The following CDC14A variants were observed in gnomAD, a reference collection of about 807,000 sequenced individuals.
CDC14A encodes the protein dual specificity protein phosphatase CDC14A.
A neutral mutation model predicts 74.4 loss-of-function variants in CDC14A; 53 were observed. That is an observed-to-expected ratio of 0.71 (90% CI 0.57 to 0.89). The LOEUF is 0.89. Among genes scored for constraint, CDC14A ranks in the 40% least tolerant of loss-of-function variants. The probability of loss-of-function intolerance (pLI) is 0.00; values close to 1 mark genes in which losing one functional copy is unlikely to be tolerated. For missense variants in CDC14A, 646 were observed against 713.7 expected, an observed-to-expected ratio of 0.91 and a Z score of 1.08; for synonymous variants, 247 against 258.4, an observed-to-expected ratio of 0.96 and a Z score of 0.43.
At chr1:100,415,713 CTG>C (rs1661450377) in intron 4 of CDC14A, among the ~76,000 whole-genome samples, 1 of 152,162 alleles carries the variant, frequency 6.6e-6, no homozygotes, top group Non-Finnish European at 1.5e-5. Context: ...TTAAAATAGA[CTG>C]AATATAATAC....
intron 15 of CDC14A, among the ~76,000 whole-genome samples, chr1:100,512,674 ATT>A (rs1224607053): frequency 2.0e-5 from 3 of 152,232 alleles, no homozygotes. Flanking sequence ...AAAAGAATCT[ATT>A]AAAAATCATG....
intron 11 of CDC14A, chr1:100,485,968 G>T (rs932886175): frequency 1.3e-5 from 2 of 152,228 alleles, no homozygotes; most frequent in Non-Finnish European, 2.9e-5. Context: ...AGGTCATGTT[G>T]ATGTTAGAGC....
At chr1:100,511,986 C>T (rs1432119599) in intron 15 of CDC14A, among the ~76,000 whole-genome samples, 1 of 152,122 alleles carries the variant, frequency 6.6e-6, no homozygotes, top group Non-Finnish European at 1.5e-5. Flanking sequence ...GTGTGCCTCC[C>T]TGCCAGCCTC....
chr1:100,427,057 A>G (rs1430156909), intron 5 of CDC14A, among the ~76,000 whole-genome samples: 1 of 152,180 alleles, frequency 6.6e-6, no homozygotes, highest in Non-Finnish European at 1.5e-5. Flanking sequence ...TCTATCAAGA[A>G]TCATCCTCAT....
chr1:100,435,524 G>C (rs1664213846), intron 5 of CDC14A, among the ~76,000 whole-genome samples: 1 of 152,050 alleles, frequency 6.6e-6, no homozygotes, highest in African/African-American at 2.4e-5. Flanking sequence ...CCACTGAATT[G>C]TACACTTTAA....
At chr1:100,477,841 A>G (rs1165348100) in intron 10 of CDC14A, among the ~76,000 whole-genome samples, 2 of 152,200 alleles carry the variant, frequency 1.3e-5, no homozygotes, top group African/African-American at 4.8e-5. Flanking sequence ...AGAGAATGTT[A>G]ATTCCAAATC....
At chr1:100,467,678 T>A (rs1006024107) in intron 9 of CDC14A, among the ~76,000 whole-genome samples, 1 of 152,158 alleles carries the variant, frequency 6.6e-6, no homozygotes, top group Admixed American at 6.6e-5. Context: ...CTTGCTTCCA[T>A]CTCTGGCTTT....
chr1:100,478,028 C>A (rs1386391812), intron 10 of CDC14A, among the ~76,000 whole-genome samples: 4 of 152,062 alleles, frequency 2.6e-5, no homozygotes, highest in Non-Finnish European at 5.9e-5. Flanking sequence ...CTGACCTCTC[C>A]TTTGTTACAG....
At chr1:100,484,718 A>G (rs1669857944) in intron 11 of CDC14A, 2 of 1,056,436 alleles carry the variant, frequency 1.9e-6, no homozygotes, top group South Asian at 4.6e-5. Context: ...CAGAAAAGCA[A>G]ACTTTCTATT....
intron 8 of CDC14A, among the ~76,000 whole-genome samples, chr1:100,457,268 G>GA (rs1358514184): frequency 6.6e-6 from 1 of 151,960 alleles, no homozygotes; most frequent in African/African-American, 2.4e-5. Flanking sequence ...CATGCATTTT[G>GA]AAAAAAATTT....
At chr1:100,483,345 T>A (rs74537195) in intron 10 of CDC14A, among the ~76,000 whole-genome samples, 387 of 152,220 alleles carry the variant, frequency 2.5e-3, no homozygotes, top group African/African-American at 9.0e-3. Flanking sequence ...ATGATCAGCG[T>A]TTTAACCTGA....
intron 11 of CDC14A, among the ~76,000 whole-genome samples, chr1:100,490,540 A>G (rs544694745): frequency 2.0e-5 from 3 of 152,204 alleles, no homozygotes; most frequent in South Asian, 2.1e-4. Flanking sequence ...CCTCTCCCCA[A>G]GTCTGAACTC....
At chr1:100,437,666 G>C (rs1475507164) in intron 5 of CDC14A, among the ~76,000 whole-genome samples, 1 of 152,150 alleles carries the variant, frequency 6.6e-6, no homozygotes, top group Non-Finnish European at 1.5e-5. Context: ...GGTCACCAGA[G>C]CTCTCCTTTT....
At position 100,352,737 on chromosome 1, in the gene CDC14A, C is replaced by A. The variant is rs1175775233; in HGVS notation, c.-218C>A. 5.0e-6 allele frequency: 7 copies of A among 1,393,878 alleles called. No homozygotes were observed. The highest frequency in any genetic ancestry group is 6.5e-6 in the Non-Finnish European group (7 of 1,078,766). 86.3% of individuals were successfully genotyped at this position (1,393,878 alleles called of 1,614,324 possible). A position where few individuals can be genotyped will look rare whatever the true frequency, so the allele number is the denominator to read the frequency against. ...GCCACAGCCAGGGGCGTGAGCGCCC[C>A]GCGCGGAGCGAGCTCGGGTTCCCCT... On this transcript the variant is annotated 5_prime_UTR_variant, in exon 1 of 16. Coordinates refer to ENST00000336454, the MANE Select transcript of CDC14A (RefSeq NM_003672.4).
chr1:100,435,334 G>C (rs893449049), intron 5 of CDC14A, among the ~76,000 whole-genome samples: 3 of 152,210 alleles, frequency 2.0e-5, no homozygotes, highest in African/African-American at 7.2e-5. Context: ...CATGCACAAT[G>C]TTCTCTGGGT....
intron 4 of CDC14A, among the ~76,000 whole-genome samples, chr1:100,392,345 C>T (rs916555127): frequency 1.3e-5 from 2 of 152,116 alleles, no homozygotes; most frequent in Admixed American, 6.5e-5. Flanking sequence ...TGTAAACAAA[C>T]GTGTTTTTCC....
chr1:100,407,298 G>A (rs1324875896), intron 4 of CDC14A, among the ~76,000 whole-genome samples: 5 of 152,112 alleles, frequency 3.3e-5, no homozygotes, highest in South Asian at 2.1e-4. Flanking sequence ...GGGCAGTATG[G>A]CCATTTTCAC....
At chr1:100,485,417 G>A (rs1356295588) in intron 11 of CDC14A, 1 of 613,512 alleles carries the variant, frequency 1.6e-6, no homozygotes, top group Admixed American at 6.3e-5. Flanking sequence ...AGTGGAACAA[G>A]CTAGGCAGCG....
intron 3 of CDC14A, among the ~76,000 whole-genome samples, chr1:100,387,314 C>G (rs1383720082): frequency 6.6e-6 from 1 of 152,170 alleles, no homozygotes; most frequent in Non-Finnish European, 1.5e-5. Context: ...CTCTCATTAA[C>G]TTTGAATTCG....
Sources: gnomAD v4.1 joint callset for allele counts (sites outside exome capture counted in the v4.1 genomes callset) on GRCh38, gnomAD v4.1.1 for gene constraint, MANE v1.5 for transcripts, NCBI Gene and HGNC (gene_info 2026-07-23, HGNC 2026-07-21) for gene names.